GPCPD1: variants seen among roughly 807,000 people sequenced by gnomAD.
GPCPD1 encodes the protein glycerophosphocholine phosphodiesterase 1, also known as glycerophosphocholine phosphodiesterase GPCPD1.
A neutral mutation model predicts 89.2 loss-of-function variants in GPCPD1; 29 were observed. The ratio of observed to expected loss-of-function variants is 0.33; its 90% CI spans 0.24 to 0.44. GPCPD1 has a LOEUF of 0.44. Ranked by LOEUF, GPCPD1 falls within the 20% of genes least tolerant of loss-of-function variation. GPCPD1 has a pLI of 1.00. For synonymous variants in GPCPD1, 258 were observed against 266.3 expected, an observed-to-expected ratio of 0.97 and a Z score of 0.30; for missense variants, 594 against 808.9, an observed-to-expected ratio of 0.73 and a Z score of 3.22.
chr20:5,570,286 T>C (rs751610076), intron 11 of GPCPD1, 47 bp from the exon 12 acceptor site: 65 of 919,646 alleles, frequency 7.1e-5, no homozygotes, highest in Non-Finnish European at 3.0e-5. Flanking sequence ...TGGTACACAG[T>C]ACCTCTCAAA....
chr20:5,556,980 T>G (rs1225404581), intron 19 of GPCPD1, among the ~76,000 whole-genome samples: 1 of 152,232 alleles, frequency 6.6e-6, no homozygotes, highest in Non-Finnish European at 1.5e-5. Context: ...GAGTGCACTG[T>G]GAATAGAAGT....
chr20:5,572,651 T>G (rs956680149), intron 11 of GPCPD1, among the ~76,000 whole-genome samples: 3 of 152,280 alleles, frequency 2.0e-5, no homozygotes, highest in African/African-American at 7.2e-5. Flanking sequence ...AAATGAGATG[T>G]TCCTCCATTT....
At chr20:5,563,934 C>A (rs1028978746) in intron 15 of GPCPD1, among the ~76,000 whole-genome samples, 2 of 152,118 alleles carry the variant, frequency 1.3e-5, no homozygotes, top group Non-Finnish European at 2.9e-5. Context: ...GTAGATAAAA[C>A]CCATTAAGCT....
chr20:5,563,883 C>T (rs1986227549), intron 15 of GPCPD1, among the ~76,000 whole-genome samples: 1 of 152,128 alleles, frequency 6.6e-6, no homozygotes. Flanking sequence ...TTCTAAATCA[C>T]ACACACATTT....
At chr20:5,605,311 G>A (rs1485883306) in intron 1 of GPCPD1, among the ~76,000 whole-genome samples, 6 of 152,166 alleles carry the variant, frequency 3.9e-5, no homozygotes, top group African/African-American at 1.4e-4. Context: ...GGGTAATACT[G>A]TGGTAGAGAA....
chr20:5,609,771 A>G (rs1000908660), intron 1 of GPCPD1, among the ~76,000 whole-genome samples: 3 of 151,370 alleles, frequency 2.0e-5, no homozygotes, highest in African/African-American at 7.3e-5. Flanking sequence ...CTAGTTCTTA[A>G]ATCAGGAATG....
At position 5,580,054 on chromosome 20, in the gene GPCPD1, G is replaced by A; in HGVS notation, c.427C>T (p.Pro143Ser). 1.3e-6 allele frequency: 2 copies of A among 1,524,050 alleles called. No homozygotes were observed. The highest frequency in any genetic ancestry group is 1.8e-6 in the Non-Finnish European group (2 of 1,098,824). The allele number at this position is 1,524,050 out of a possible 1,614,324, so 94.4% of individuals were successfully genotyped here. The change falls in exon 7 of 20, where the codon CCT (proline) becomes TCT (serine). Residue 143 changes from proline to serine, a missense_variant. By Grantham distance (74) the Pro-to-Ser change is moderately conservative. Transcript: ENST00000379019. The stretch of plus-strand genomic sequence containing the variant: ...TTTTTCTTGGTTATTGACACAGGAG[G>A]TTTTTCAGAATAATGCAAACGTAAT... ...IRLRLHYSEK[P>S]PVSITKKKLK...
chr20:5,588,023 T>C (rs1213400868), intron 4 of GPCPD1, among the ~76,000 whole-genome samples: 1 of 152,228 alleles, frequency 6.6e-6, no homozygotes, highest in African/African-American at 2.4e-5. Context: ...TAGTTCACCT[T>C]AATTGGTAGA....
At chr20:5,580,187 C>A in intron 6 of GPCPD1, 56 bp from the exon 7 acceptor site, 1 of 892,596 alleles carries the variant, frequency 1.1e-6, no homozygotes. Flanking sequence ...TTAAACAACA[C>A]AATAAGTACC....
At chr20:5,578,783 T>C (rs982373771) in intron 7 of GPCPD1, among the ~76,000 whole-genome samples, 172 bp from the exon 8 acceptor site, 7 of 152,240 alleles carry the variant, frequency 4.6e-5, no homozygotes, top group African/African-American at 1.7e-4. Context: ...GAATTAGGTG[T>C]GTTTTATAAA....
chr20:5,580,963 TC>T (rs1381664388), intron 6 of GPCPD1, among the ~76,000 whole-genome samples: 2 of 151,822 alleles, frequency 1.3e-5, no homozygotes, highest in Non-Finnish European at 2.9e-5. Flanking sequence ...AGACTCCACT[TC>T]CCAGGTTCAA....
intron 2 of GPCPD1, among the ~76,000 whole-genome samples, chr20:5,602,387 G>C (rs1329989463): frequency 6.6e-6 from 1 of 152,200 alleles, no homozygotes; most frequent in African/African-American, 2.4e-5. Flanking sequence ...TCTCTCCACG[G>C]AAGTGGCCAC....
intron 4 of GPCPD1, among the ~76,000 whole-genome samples, chr20:5,592,470 T>C (rs1299979548): frequency 6.6e-6 from 1 of 152,226 alleles, no homozygotes. Context: ...TTGTCATTTT[T>C]TGTCATTTTG....
At chr20:5,562,301 G>C (rs1986132049) in intron 15 of GPCPD1, among the ~76,000 whole-genome samples, 3 of 152,196 alleles carry the variant, frequency 2.0e-5, no homozygotes, top group Admixed American at 2.0e-4. Context: ...TATTATTTTT[G>C]AGGCATAGTC....
intron 11 of GPCPD1, among the ~76,000 whole-genome samples, chr20:5,571,874 A>C (rs2122641484): frequency 6.6e-6 from 1 of 151,638 alleles, no homozygotes; most frequent in South Asian, 2.1e-4. Context: ...ATGCCACTGC[A>C]CTCCAGCCTG....
intron 6 of GPCPD1, 75 bp downstream of exon 6, chr20:5,584,204 CTA>C: frequency 1.3e-6 from 1 of 750,844 alleles, no homozygotes; most frequent in East Asian, 2.6e-5. Flanking sequence ...TTTTCCTGTG[CTA>C]TATAACTCCA....
Position 5,575,417 on chromosome 20 carries a change from CAGTTGTTGT to C in GPCPD1, c.988_996del (p.Thr330_Thr332del). On this transcript the variant is annotated inframe_deletion, in exon 10 of 20. Transcript: ENST00000379019. ...CTACTCAAATATTCAACTTACTGGGCAGTTGTTGTAGAGTTTCCTGCACCTCGATGGCCA... is the reference window on the plus strand; with the variant it reads ...CTACTCAAATATTCAACTTACTGGGCAGAGTTTCCTGCACCTCGATGGCCA... The C allele has an allele frequency of 6.2e-7, 1 of 1,604,902 alleles. No individual in the cohort carries two copies. The highest frequency in any genetic ancestry group is 2.2e-5 in the East Asian group (1 of 44,772).
chr20:5,573,870 T>C (rs780571284), intron 11 of GPCPD1, 45 bp downstream of exon 11: 5 of 986,716 alleles, frequency 5.1e-6, no homozygotes, highest in Admixed American at 1.7e-5. Context: ...CCCTGATCCA[T>C]ATTTCTCTAC....
At chr20:5,589,475 A>G (rs1446681897) in intron 4 of GPCPD1, among the ~76,000 whole-genome samples, 1 of 152,066 alleles carries the variant, frequency 6.6e-6, no homozygotes. Flanking sequence ...AGCCGGGCAT[A>G]GTGGTGCATG....
Sources: allele counts gnomAD v4.1 joint callset (sites outside exome capture counted in the v4.1 genomes callset), GRCh38; gene constraint gnomAD v4.1.1; transcripts MANE v1.5; gene names NCBI Gene and HGNC (gene_info 2026-07-23, HGNC 2026-07-21).